The following TBXAS1 variants were observed in gnomAD, a reference collection of about 807,000 sequenced individuals.
The protein encoded by TBXAS1 is thromboxane-A synthase.
Under a neutral mutation model 60.7 loss-of-function variants are expected in TBXAS1, and 48 were observed. The observed-to-expected ratio is 0.79, with a 90% CI of 0.63 to 1.01. The LOEUF (loss-of-function observed/expected upper bound fraction) is 1.01, where lower values mean the gene tolerates loss of function less well. TBXAS1 is among the 50% of genes least tolerant of loss of function. The probability of loss-of-function intolerance (pLI) is 0.00; values close to 1 mark genes in which losing one functional copy is unlikely to be tolerated. For synonymous variants in TBXAS1, 287 were observed against 269.7 expected (o/e 1.06, Z -0.63); for missense variants, 685 against 686.3 (o/e 1.00, Z 0.02).
intron 12 of TBXAS1, 140 bp from the exon 13 acceptor site, chr7:140,019,885 T>C (rs1458287702): frequency 3.9e-6 from 3 of 776,282 alleles, no homozygotes; most frequent in Non-Finnish European, 6.5e-6. Context: ...CACTGAAAGA[T>C]AGGTTTGGGG....
At chr7:139,910,925 G>A (rs1273473160) in intron 3 of TBXAS1, among the ~76,000 whole-genome samples, 1 of 152,130 alleles carries the variant, frequency 6.6e-6, no homozygotes, top group Non-Finnish European at 1.5e-5. Context: ...TACATGTATA[G>A]CTCTGTCTTT....
chr7:139,849,040 T>C (rs1274164493), intron 1 of TBXAS1, among the ~76,000 whole-genome samples: 1 of 152,070 alleles, frequency 6.6e-6, no homozygotes, highest in Admixed American at 6.6e-5. Context: ...ATATTAACTT[T>C]TATTGTAAGT....
chr7:139,789,294 A>C (rs1169230437), intron 4 of TBXAS1: 1 of 150,218 alleles, frequency 6.7e-6, no homozygotes, highest in Non-Finnish European at 1.5e-5. Context: ...GCTGGAGTGC[A>C]CTTGCAGTAG....
intron 1 of TBXAS1, among the ~76,000 whole-genome samples, chr7:139,780,263 A>G (rs376227235): frequency 6.6e-6 from 1 of 152,246 alleles, no homozygotes; most frequent in African/African-American, 2.4e-5. Context: ...GCTGGCCATT[A>G]GAACTTGCTG....
rs527251980 is a variant in TBXAS1, at chr7:139,934,347, C to T, written c.334-1844C>T. Among the ~76,000 whole-genome samples the T allele has an allele frequency of 3.2e-4, 48 of 152,168 alleles. 1 individual carries two copies. The South Asian group carries it at 9.4e-3, about 30-fold the overall frequency. ...GGGATTACAGGTGCCTGCCACCACG[C>T]CTGGCTAATTTTTGTATTTTAGTAG... On this transcript the variant is annotated intron_variant, in intron 4 of 12. Transcript: ENST00000448866.
intron 3 of TBXAS1, among the ~76,000 whole-genome samples, chr7:139,907,829 G>T (rs180897729): frequency 3.3e-5 from 5 of 152,138 alleles, no homozygotes; most frequent in Admixed American, 2.6e-4. Flanking sequence ...AAAATTATTA[G>T]TAGTTTTGTG....
chr7:139,876,723 A>T (rs1802261881), intron 3 of TBXAS1, among the ~76,000 whole-genome samples: 1 of 152,148 alleles, frequency 6.6e-6, no homozygotes, highest in African/African-American at 2.4e-5. Context: ...AAAAGTAATA[A>T]ATTAAGATGT....
chr7:139,942,753 G>A (rs1808393126), intron 5 of TBXAS1, among the ~76,000 whole-genome samples: 1 of 152,146 alleles, frequency 6.6e-6, no homozygotes, highest in East Asian at 1.9e-4. Context: ...ATGGGAGGCT[G>A]GTATCTCGCA....
At chr7:139,842,257 A>C (rs1278892781) in intron 1 of TBXAS1, among the ~76,000 whole-genome samples, 1 of 152,160 alleles carries the variant, frequency 6.6e-6, no homozygotes, top group Non-Finnish European at 1.5e-5. Context: ...GCAGAGATGA[A>C]AGAAGAATCT....
intron 5 of TBXAS1, among the ~76,000 whole-genome samples, chr7:139,945,920 G>A (rs569044059): frequency 2.6e-4 from 39 of 152,316 alleles, no homozygotes; most frequent in African/African-American, 7.5e-4. Context: ...CTCATCACAC[G>A]GTTATTAGCA....
At chr7:139,818,623 C>T (rs1264058195) in intron 4 of TBXAS1, among the ~76,000 whole-genome samples, 1 of 152,182 alleles carries the variant, frequency 6.6e-6, no homozygotes. Flanking sequence ...GGATTATCTT[C>T]TACTTGAGGG....
chr7:139,947,262 C>A (rs1220862494), intron 5 of TBXAS1, among the ~76,000 whole-genome samples: 2 of 152,156 alleles, frequency 1.3e-5, no homozygotes, highest in African/African-American at 2.4e-5. Flanking sequence ...ATGTCCTTTG[C>A]AGGGACATGG....
intron 9 of TBXAS1, among the ~76,000 whole-genome samples, chr7:139,963,868 T>C (rs1810560275): frequency 1.3e-5 from 2 of 152,200 alleles, no homozygotes; most frequent in Admixed American, 1.3e-4. Flanking sequence ...GGTGCACAGG[T>C]CCGTTTCTCT....
At chr7:139,936,368 G>A (rs950910863) in intron 5 of TBXAS1, 61 bp downstream of exon 5, 14 of 1,518,430 alleles carry the variant, frequency 9.2e-6, no homozygotes, top group South Asian at 2.2e-5. Context: ...TCTCCAAATC[G>A]TGATGAGAGC....
chr7:139,828,128 T>C (rs1798497574), upstream of TBXAS1, among the ~76,000 whole-genome samples: 1 of 152,166 alleles, frequency 6.6e-6, no homozygotes, highest in Non-Finnish European at 1.5e-5. Flanking sequence ...ATTCTTAGGT[T>C]TGGTCATTTA....
intron 4 of TBXAS1, among the ~76,000 whole-genome samples, chr7:139,921,894 A>G (rs1398937313): frequency 6.6e-6 from 1 of 152,166 alleles, no homozygotes; most frequent in African/African-American, 2.4e-5. Flanking sequence ...GTTTTTGTAC[A>G]TACTGCCAAA....
rs1801385198 is a variant in TBXAS1 at position 139,865,899 on chromosome 7, AGGG to A, written c.90-6335_90-6333del. Among the ~76,000 whole-genome samples, 3 of 125,086 alleles carry A rather than the reference AGGG, an allele frequency of 2.4e-5. 1 individual carries two copies. Among genetic ancestry groups the A allele is most frequent in the African/African-American group, 9.6e-5 (3 of 31,308 alleles). The allele number at this position is 125,086 out of a possible 152,430, so 82.1% of individuals were successfully genotyped here. A position where few individuals can be genotyped will look rare whatever the true frequency, so the allele number is the denominator to read the frequency against. On this transcript the variant is annotated intron_variant, in intron 1 of 12. Transcript: ENST00000448866. Reference sequence around the variant, plus strand: ...GGAGGGAGGGAAGGAGGAAGGAGGGAGGGAGGAAGGAAGGAAAGAGGGAGGGAA... The same window carrying A: ...GGAGGGAGGGAAGGAGGAAGGAGGGAAGGAAGGAAGGAAAGAGGGAGGGAA...
intron 7 of TBXAS1, 199 bp from the exon 8 acceptor site, chr7:139,957,435 A>G (rs1251699307): frequency 2.1e-5 from 14 of 651,638 alleles, no homozygotes; most frequent in African/African-American, 1.4e-4. Flanking sequence ...AGTGCTTACT[A>G]TGTGCCAGGA....
intron 3 of TBXAS1, among the ~76,000 whole-genome samples, chr7:139,884,802 A>G (rs1157830766): frequency 6.6e-6 from 1 of 152,216 alleles, no homozygotes; most frequent in Admixed American, 6.5e-5. Flanking sequence ...GCCCTGAGAA[A>G]GGAGTCTAGG....
Sources: gnomAD v4.1 joint callset for allele counts (sites outside exome capture counted in the v4.1 genomes callset) on GRCh38, gnomAD v4.1.1 for gene constraint, MANE v1.5 for transcripts, NCBI Gene and HGNC (gene_info 2026-07-23, HGNC 2026-07-21) for gene names.